CEP128: variants seen among roughly 807,000 people sequenced by gnomAD.
CEP128 encodes the protein centrosomal protein 128kDa.
A neutral mutation model predicts 156.7 loss-of-function variants in CEP128; 132 were observed. That is an observed-to-expected ratio of 0.84 (90% confidence interval 0.73 to 0.97). The LOEUF (loss-of-function observed/expected upper bound fraction) is 0.97. Among genes scored for constraint, CEP128 ranks in the 50% least tolerant of loss-of-function variants. CEP128 has a pLI of 0.00. For missense variants in CEP128, 1,252 were observed against 1,281.9 expected (o/e 0.98, Z 0.36); for synonymous variants, 469 against 448.9 (o/e 1.04, Z -0.57).
chr14:80,630,473 T>C (rs1371775666), intron 19 of CEP128, among the ~76,000 whole-genome samples: 1 of 151,984 alleles, frequency 6.6e-6, no homozygotes, highest in African/African-American at 2.4e-5. Flanking sequence ...GGGTAGTCAG[T>C]GTAACGGTTT....
chr14:80,622,128 G>C (rs564241258), intron 19 of CEP128, among the ~76,000 whole-genome samples: 2 of 152,210 alleles, frequency 1.3e-5, no homozygotes, highest in African/African-American at 4.8e-5. Flanking sequence ...CACAGATGTG[G>C]GATAGGCTTT....
intron 24 of CEP128, among the ~76,000 whole-genome samples, chr14:80,504,291 T>C (rs1417771291): frequency 6.6e-6 from 1 of 152,196 alleles, no homozygotes; most frequent in African/African-American, 2.4e-5. Flanking sequence ...AGAAAAATTG[T>C]AGCACACTGT....
chr14:80,687,470 A>G (rs1400939094), intron 19 of CEP128, among the ~76,000 whole-genome samples: 2 of 152,146 alleles, frequency 1.3e-5, no homozygotes, highest in Non-Finnish European at 2.9e-5. Flanking sequence ...TCCTAAGCAT[A>G]TTAGTGCAGT....
intron 21 of CEP128, among the ~76,000 whole-genome samples, chr14:80,558,103 G>C (rs1053564766): frequency 6.6e-6 from 1 of 152,074 alleles, no homozygotes; most frequent in Non-Finnish European, 1.5e-5. Context: ...ACTGATCACT[G>C]TTGTGAGTTT....
At chr14:80,922,785 A>G (rs1884943161) in intron 2 of CEP128, among the ~76,000 whole-genome samples, 1 of 152,230 alleles carries the variant, frequency 6.6e-6, no homozygotes. Context: ...TCAGCATGAC[A>G]CATTGCTGAA....
At chr14:80,505,807 T>C (rs528750306) in intron 23 of CEP128, among the ~76,000 whole-genome samples, 1 of 152,322 alleles carries the variant, frequency 6.6e-6, no homozygotes, top group African/African-American at 2.4e-5. Context: ...GCTTCCTACT[T>C]ATTTACTGTA....
At chr14:80,904,703 T>C in intron 6 of CEP128, 110 bp downstream of exon 6, 1 of 711,332 alleles carries the variant, frequency 1.4e-6, no homozygotes, top group Non-Finnish European at 2.5e-6. Flanking sequence ...AAGTTACTAA[T>C]GATCAAATTC....
intron 21 of CEP128, among the ~76,000 whole-genome samples, chr14:80,538,897 C>T (rs1889610960): frequency 6.6e-6 from 1 of 152,166 alleles, no homozygotes; most frequent in South Asian, 2.1e-4. Context: ...CTTACTGGAG[C>T]ACTAATATAA....
At chr14:80,855,766 A>G (rs962805378) in intron 9 of CEP128, among the ~76,000 whole-genome samples, 3 of 152,186 alleles carry the variant, frequency 2.0e-5, no homozygotes, top group Non-Finnish European at 4.4e-5. Context: ...AAGCCAGGTT[A>G]GAATATTTGC....
intron 19 of CEP128, among the ~76,000 whole-genome samples, chr14:80,717,937 C>A (rs1439952704): frequency 6.6e-6 from 1 of 152,176 alleles, no homozygotes; most frequent in Non-Finnish European, 1.5e-5. Flanking sequence ...ACTTCAGCTT[C>A]CCTAGTAGCT....
chr14:80,920,679 G>A (rs945202803), intron 2 of CEP128, among the ~76,000 whole-genome samples: 1 of 152,104 alleles, frequency 6.6e-6, no homozygotes, highest in Non-Finnish European at 1.5e-5. Flanking sequence ...AATATTCAGG[G>A]CCATGAGAAA....
intron 21 of CEP128, among the ~76,000 whole-genome samples, chr14:80,553,665 TTC>T (rs1172943012): frequency 6.6e-6 from 1 of 152,218 alleles, no homozygotes. Context: ...TTAAAGTTTT[TTC>T]TCTTATGTAC....
intron 2 of CEP128, among the ~76,000 whole-genome samples, chr14:80,922,527 T>C (rs547588009): frequency 2.4e-4 from 37 of 152,322 alleles, no homozygotes; most frequent in South Asian, 6.2e-4. Context: ...AATTGGAGGA[T>C]ATAAAAATAT....
In CEP128 at chr14:80,743,241, T is replaced by G; in HGVS notation, c.2640A>C (p.Glu880Asp). The G allele has an allele frequency of 6.2e-7, 1 of 1,613,094 alleles. No homozygotes were observed. The highest frequency in any genetic ancestry group is 2.2e-5 in the East Asian group (1 of 44,850). ...SKTKLQWLCE[E>D]LKERENREKN... ...TCTCTCTGTTTTCTCTCTCTTTCAG[T>G]TCCTCACAGAGCCACTGAAGTTTAG... The change falls in exon 19 of 25, where the codon GAA becomes GAC. Residue 880 changes from glutamate (E) to aspartate (D), a missense_variant. Coordinates refer to ENST00000555265, the MANE Select transcript of CEP128 (RefSeq NM_152446.5).
intron 12 of CEP128, among the ~76,000 whole-genome samples, chr14:80,834,453 G>A (rs1302665360): frequency 6.6e-6 from 1 of 152,076 alleles, no homozygotes; most frequent in Non-Finnish European, 1.5e-5. Flanking sequence ...AGTGGGCAGA[G>A]GAAGAAATAC....
At chr14:80,694,058 T>C (rs1355729578) in intron 19 of CEP128, among the ~76,000 whole-genome samples, 1 of 152,114 alleles carries the variant, frequency 6.6e-6, no homozygotes, top group Non-Finnish European at 1.5e-5. Flanking sequence ...TTCATCCAAA[T>C]TTACAAGAAA....
intron 19 of CEP128, among the ~76,000 whole-genome samples, chr14:80,729,055 GGGGGTGTGTGTGT>G (rs1566880846): frequency 4.4e-5 from 4 of 89,930 alleles, no homozygotes; most frequent in Admixed American, 1.2e-4. Context: ...CTGGGCTGGT[GGGGGTGTGTGTGT>G]GTGTGTGTGT....
At chr14:80,518,395 C>T (rs998929321) in intron 23 of CEP128, among the ~76,000 whole-genome samples, 1 of 151,960 alleles carries the variant, frequency 6.6e-6, no homozygotes, top group South Asian at 2.1e-4. Flanking sequence ...AGAATATAGT[C>T]TACCTTAGGA....
At chr14:80,782,479 C>T (rs1010518664) in intron 15 of CEP128, among the ~76,000 whole-genome samples, 6 of 152,164 alleles carry the variant, frequency 3.9e-5, no homozygotes, top group Admixed American at 6.5e-5. Flanking sequence ...AGACTAGTCT[C>T]GGTCAGTTTG....
Sources: allele counts gnomAD v4.1 joint callset (sites outside exome capture counted in the v4.1 genomes callset), GRCh38; gene constraint gnomAD v4.1.1; transcripts MANE v1.5; gene names NCBI Gene and HGNC (gene_info 2026-07-23, HGNC 2026-07-21).